Variants in PCDHAC2 observed in about 807,000 individuals in gnomAD.
PCDHAC2 encodes the protein protocadherin alpha-C2.
A neutral mutation model predicts 63.3 loss-of-function variants in PCDHAC2; 24 were observed. The ratio of observed to expected loss-of-function variants is 0.38; its 90% CI spans 0.27 to 0.53. The LOEUF (loss-of-function observed/expected upper bound fraction) is 0.53, where lower values mean the gene tolerates loss of function less well. Ranked by LOEUF, PCDHAC2 falls within the 20% of genes least tolerant of loss-of-function variation. PCDHAC2 has a pLI of 0.81. For synonymous variants in PCDHAC2, 569 were observed against 529.4 expected, an observed-to-expected ratio of 1.07 and a Z score of -1.03; for missense variants, 1,181 against 1,275.2, an observed-to-expected ratio of 0.93 and a Z score of 1.12.
chr5:140,981,335 AG>A (rs2096927378), intron 2 of PCDHAC2, among the ~76,000 whole-genome samples: 3 of 152,168 alleles, frequency 2.0e-5, no homozygotes, highest in Non-Finnish European at 4.4e-5. Context: ...GCACTTTGGG[AG>A]GGTGAGGCAG....
At position 141,011,699 on chromosome 5, in the gene PCDHAC2, A is replaced by G. The variant is rs537913184; in HGVS notation, c.*1762A>G. 6.5e-6 allele frequency: 1 copy of G among 153,890 alleles called. No homozygotes were observed. Among genetic ancestry groups the G allele is most frequent in the African/African-American group, 2.4e-5 (1 of 41,578 alleles). 9.5% of individuals were successfully genotyped at this position (153,890 alleles called of 1,614,324 possible). A position where few individuals can be genotyped will look rare whatever the true frequency, so the allele number is the denominator to read the frequency against. ...TTGTTCTAGTAACAATTTTGGAATG[A>G]ATACTGACAATATTCCATGAGGGTG... On this transcript the variant is annotated 3_prime_UTR_variant, in exon 4 of 4. Coordinates refer to ENST00000289269, the MANE Select transcript of PCDHAC2 (RefSeq NM_018899.6).
At chr5:141,008,206 G>A (rs979113429) in intron 3 of PCDHAC2, among the ~76,000 whole-genome samples, 1 of 152,184 alleles carries the variant, frequency 6.6e-6, no homozygotes, top group African/African-American at 2.4e-5. Flanking sequence ...TAATGAACTT[G>A]ACATGAGTTA....
chr5:140,968,312 C>A lies in PCDHAC2; in HGVS notation c.1546C>A (p.Leu516Met). The change falls in exon 1 of 4, where the codon CTG becomes ATG. Residue 516 changes from leucine to methionine, a missense_variant. By Grantham distance (15) the Leu-to-Met change is conservative. Around this residue, in one of 3 missense-constraint regions of PCDHAC2, gnomAD observed 968 missense variants for 1,073.5 expected, o/e 0.90. Coordinates refer to ENST00000289269, the MANE Select transcript of PCDHAC2 (RefSeq NM_018899.6). Reference sequence around the variant, plus strand: ...CCTTCTGGAGAGGGAGATTCAAGGGCTGCCAGTCACCTCCTATGTCTCCAT... The same window carrying A: ...CCTTCTGGAGAGGGAGATTCAAGGGATGCCAGTCACCTCCTATGTCTCCAT... ...YSLLEREIQG[L>M]PVTSYVSINS... is the part of the protein sequence containing the mutation. The A allele has an allele frequency of 1.2e-6, 2 of 1,613,960 alleles. No homozygotes were observed. Among genetic ancestry groups the A allele is most frequent in the Non-Finnish European group, 1.7e-6 (2 of 1,179,928 alleles).
At chr5:141,004,677 A>T (rs971713487) in intron 3 of PCDHAC2, among the ~76,000 whole-genome samples, 4 of 152,194 alleles carry the variant, frequency 2.6e-5, no homozygotes, top group African/African-American at 7.2e-5. Context: ...AGGACTGTGG[A>T]GTGGTGCTGA....
At chr5:140,970,753 C>T (rs1282500516) in intron 1 of PCDHAC2, among the ~76,000 whole-genome samples, 1 of 152,176 alleles carries the variant, frequency 6.6e-6, no homozygotes, top group Non-Finnish European at 1.5e-5. Context: ...AATATATTTT[C>T]ATTGACATAT....
intron 3 of PCDHAC2, among the ~76,000 whole-genome samples, chr5:141,005,656 C>T (rs1004583867): frequency 1.5e-4 from 20 of 136,082 alleles, no homozygotes; most frequent in Non-Finnish European, 2.5e-4. Context: ...GAGTCGAGAT[C>T]GCGCCACTGC....
intron 3 of PCDHAC2, among the ~76,000 whole-genome samples, chr5:141,002,749 A>G (rs2098093412): frequency 1.3e-5 from 2 of 152,202 alleles, no homozygotes; most frequent in South Asian, 4.1e-4. Flanking sequence ...TACATCGACA[A>G]CCCTGTGATG....
rs2153774451 is a variant in PCDHAC2, at chr5:140,968,867, T to C, written c.2101T>C (p.Tyr701His). Reference protein sequence around the residue: ...TQRHVKSPRTYSEITLYLIIA... With the variant: ...TQRHVKSPRTHSEITLYLIIA... ...GAGGCATGTTAAGAGCCCTCGGACATACTCTGAAATTACCCTTTATCTAAT... is the reference window on the plus strand; with the variant it reads ...GAGGCATGTTAAGAGCCCTCGGACACACTCTGAAATTACCCTTTATCTAAT... Residue 701 changes from tyrosine to histidine, a missense_variant, in exon 1 of 4, where the codon TAC becomes CAC. Physicochemically the swap from Tyr to His is moderately conservative, Grantham distance 83. Around this residue, in one of 3 missense-constraint regions of PCDHAC2, gnomAD observed 968 missense variants for 1,073.5 expected, o/e 0.90. Transcript: ENST00000289269. The C allele has an allele frequency of 1.2e-6, 2 of 1,614,188 alleles. No homozygotes were observed. The highest frequency in any genetic ancestry group is 1.7e-6 in the Non-Finnish European group (2 of 1,180,036).
chr5:140,983,900 G>T (rs1345141422), intron 3 of PCDHAC2, among the ~76,000 whole-genome samples: 1 of 152,198 alleles, frequency 6.6e-6, no homozygotes, highest in Admixed American at 6.5e-5. Context: ...GGCATTCGTT[G>T]ATTCTAATCA....
rs189687890 is a variant in PCDHAC2 at position 140,972,728 on chromosome 5, A to G, written c.2565+3397A>G. ...TGCCAGGCTGGAGTGCAGTGGCGTA[A>G]TCCCGGCTCACTGCAACCTCCGCCT... On this transcript the variant is annotated intron_variant, in intron 1 of 3. Transcript: ENST00000289269. Among the ~76,000 whole-genome samples the G allele has an allele frequency of 6.0e-3, 882 of 147,958 alleles. 8 individuals carry two copies. Among genetic ancestry groups the G allele is most frequent in the African/African-American group, 0.021 (847 of 39,742 alleles).
chr5:140,975,953 T>C (rs1554237158), intron 1 of PCDHAC2, among the ~76,000 whole-genome samples: 1 of 152,084 alleles, frequency 6.6e-6, no homozygotes, highest in East Asian at 1.9e-4. Flanking sequence ...CATATTAGAG[T>C]TCTTCACCAA....
intron 1 of PCDHAC2, among the ~76,000 whole-genome samples, chr5:140,974,807 A>T (rs2096641510): frequency 6.6e-6 from 1 of 152,202 alleles, no homozygotes; most frequent in Admixed American, 6.5e-5. Context: ...ATATACTAGA[A>T]GACCAATATG....
intron 3 of PCDHAC2, among the ~76,000 whole-genome samples, chr5:141,001,903 A>G (rs2098043091): frequency 6.6e-6 from 1 of 152,190 alleles, no homozygotes; most frequent in African/African-American, 2.4e-5. Flanking sequence ...GGGCTGTTTG[A>G]AAAAGACTGC....
chr5:140,971,999 A>G (rs543282950), intron 1 of PCDHAC2, among the ~76,000 whole-genome samples: 18 of 152,302 alleles, frequency 1.2e-4, no homozygotes, highest in African/African-American at 3.8e-4. Flanking sequence ...TCCAATGTTT[A>G]TATTCCCTTT....
rs1335148442 is a variant in PCDHAC2 at position 140,966,809 on chromosome 5, C to T, written c.43C>T (p.Arg15Trp). ...GTRPAATEHPRLRRPMPWLLL... is the reference protein window; with the variant it reads ...GTRPAATEHPWLRRPMPWLLL... ...CAGACCTGCGGCGACAGAGCATCCA[C>T]GGCTCCGGCGGCCCATGCCCTGGCT... Residue 15 changes from arginine to tryptophan, a missense_variant, in exon 1 of 4, where the codon CGG (arginine) becomes TGG (tryptophan). This residue lies in a region of PCDHAC2 where 210 missense variants were observed against 184.9 expected (regional missense o/e 1.14). Coordinates refer to ENST00000289269, the MANE Select transcript of PCDHAC2 (RefSeq NM_018899.6). 5 of 1,547,376 alleles carry T rather than the reference C, an allele frequency of 3.2e-6. No homozygotes were observed. The highest frequency in any genetic ancestry group is 1.4e-5 in the African/African-American group (1 of 73,414).
rs782682819 is a variant in PCDHAC2 at position 140,967,291 on chromosome 5, C to T, written c.525C>T (p.Pro175=). The T allele has an allele frequency of 6.8e-6, 11 of 1,612,754 alleles. No homozygotes were observed. The highest frequency in any genetic ancestry group is 1.1e-5 in the South Asian group (1 of 91,008). Reference sequence around the variant, plus strand: ...TTCACATAGAGAGTGCGCAGGACCCCGACGTGGGCGCCAACTCAGTACAGA... The same window carrying T: ...TTCACATAGAGAGTGCGCAGGACCCTGACGTGGGCGCCAACTCAGTACAGA... ...ARFHIESAQD[P]DVGANSVQTY... The change falls in exon 1 of 4, where the codon CCC becomes CCT. Residue 175 remains proline, a synonymous_variant. Transcript: ENST00000289269.
chr5:140,994,142 G>C (rs550428204), intron 3 of PCDHAC2, among the ~76,000 whole-genome samples: 8 of 152,180 alleles, frequency 5.3e-5, no homozygotes, highest in Admixed American at 4.6e-4. Context: ...AATGCCCTAC[G>C]TAGGTAGGGT....
intron 3 of PCDHAC2, among the ~76,000 whole-genome samples, chr5:141,000,955 T>G (rs1237087024): frequency 6.6e-6 from 1 of 152,210 alleles, no homozygotes; most frequent in Non-Finnish European, 1.5e-5. Flanking sequence ...CTTGCTGTAA[T>G]TTAAGCCTTC....
chr5:140,974,126 T>C (rs1554235851), intron 1 of PCDHAC2, among the ~76,000 whole-genome samples: 1 of 152,242 alleles, frequency 6.6e-6, no homozygotes, highest in Non-Finnish European at 1.5e-5. Flanking sequence ...GTGTTTTAAA[T>C]CTGCTAACCT....
Sources: allele counts gnomAD v4.1 joint callset (sites outside exome capture counted in the v4.1 genomes callset), GRCh38; gene constraint gnomAD v4.1.1; regional missense constraint gnomAD v4.1.1; transcripts MANE v1.5; gene names NCBI Gene and HGNC (gene_info 2026-07-23, HGNC 2026-07-21).